The following LRCH1 variants were observed in gnomAD, a reference collection of about 807,000 sequenced individuals.
LRCH1 encodes the protein leucine rich repeats and calponin homology domain containing 1, also known as leucine-rich repeat and calponin homology domain-containing protein 1.
LRCH1 carries 23 observed loss-of-function variants against 94.9 expected under a neutral mutation model. That is an observed-to-expected ratio of 0.24 (90% CI 0.17 to 0.34). LRCH1 has a LOEUF of 0.34. LRCH1 is among the 10% of genes least tolerant of loss of function. LRCH1 has a pLI of 1.00. For synonymous variants in LRCH1, 364 were observed against 354.9 expected (o/e 1.03, Z -0.29); for missense variants, 790 against 945.9 (o/e 0.84, Z 2.16).
chr13:46,727,028 C>T (rs1872855278), intron 17 of LRCH1, among the ~76,000 whole-genome samples: 1 of 152,100 alleles, frequency 6.6e-6, no homozygotes, highest in Non-Finnish European at 1.5e-5. Flanking sequence ...CTGCAGATGA[C>T]ATCACTGATA....
chr13:46,632,402 C>T (rs554244202), intron 1 of LRCH1, among the ~76,000 whole-genome samples: 3 of 152,222 alleles, frequency 2.0e-5, no homozygotes, highest in East Asian at 1.9e-4. Flanking sequence ...CAGTAATTGC[C>T]GGTTGAATCA....
chr13:46,727,378 C>T (rs928014758), intron 17 of LRCH1, among the ~76,000 whole-genome samples: 79 of 152,308 alleles, frequency 5.2e-4, no homozygotes, highest in African/African-American at 1.9e-3. Context: ...GGACACAGAG[C>T]CTCGGGACCT....
At chr13:46,653,980 C>A (rs1449623946) in intron 2 of LRCH1, among the ~76,000 whole-genome samples, 1 of 152,086 alleles carries the variant, frequency 6.6e-6, no homozygotes, top group Non-Finnish European at 1.5e-5. Context: ...AGGAATTGGA[C>A]CCTTGAAATT....
At chr13:46,730,405 GC>G (rs1340936665) in intron 18 of LRCH1, among the ~76,000 whole-genome samples, 1 of 152,082 alleles carries the variant, frequency 6.6e-6, no homozygotes, top group African/African-American at 2.4e-5. Context: ...AAATCTCAGA[GC>G]CCAGTGTGTT....
chr13:46,562,349 G>C (rs1264205203), intron 1 of LRCH1, among the ~76,000 whole-genome samples: 1 of 152,222 alleles, frequency 6.6e-6, no homozygotes, highest in African/African-American at 2.4e-5. Context: ...GGAAGTCCAA[G>C]ATCAAGGTGT....
At chr13:46,705,665 A>C (rs1346631123) in intron 13 of LRCH1, 1 of 391,996 alleles carries the variant, frequency 2.6e-6, no homozygotes, top group African/African-American at 2.1e-5. Context: ...AGCCAAGAAA[A>C]GGTCTGGGAA....
At chr13:46,668,520 A>T (rs2051551394) in intron 2 of LRCH1, among the ~76,000 whole-genome samples, 1 of 152,178 alleles carries the variant, frequency 6.6e-6, no homozygotes, top group Non-Finnish European at 1.5e-5. Flanking sequence ...TGGTTTTGTG[A>T]GTTGCAGCAA....
At chr13:46,649,299 T>C (rs547514377) in intron 1 of LRCH1, among the ~76,000 whole-genome samples, 45 of 152,356 alleles carry the variant, frequency 3.0e-4, no homozygotes, top group African/African-American at 9.9e-4. Context: ...AGGTTATCTC[T>C]TATTGTTGAG....
intron 1 of LRCH1, among the ~76,000 whole-genome samples, chr13:46,602,504 C>T (rs76223209): frequency 6.6e-6 from 1 of 151,960 alleles, no homozygotes; most frequent in African/African-American, 2.4e-5. Flanking sequence ...CAGATTTAGC[C>T]TAACTATGAA....
chr13:46,618,342 G>C (rs1376534589), intron 1 of LRCH1, among the ~76,000 whole-genome samples: 1 of 152,150 alleles, frequency 6.6e-6, no homozygotes, highest in East Asian at 1.9e-4. Context: ...AAGTGAAAAT[G>C]GTACACCTTT....
At chr13:46,624,562 G>A (rs1189435962) in intron 1 of LRCH1, among the ~76,000 whole-genome samples, 1 of 152,186 alleles carries the variant, frequency 6.6e-6, no homozygotes, top group Non-Finnish European at 1.5e-5. Context: ...AGCTTGCTGA[G>A]AATTTTAGGG....
chr13:46,608,793 T>G lies in LRCH1; in HGVS notation c.308-41408T>G, dbSNP rs541962307. Among the ~76,000 whole-genome samples, 3 of 152,348 alleles carry G rather than the reference T, an allele frequency of 2.0e-5. No individual in the cohort carries two copies. The South Asian group carries it at 6.2e-4, about 32-fold the overall frequency. ...AATGTAGTGGGTTTCTAAAAATAGA[T>G]TTCTTTTTCATGTAATTGACAATTA... On this transcript the variant is annotated intron_variant, in intron 1 of 19. Coordinates refer to ENST00000389797, the MANE Select transcript of LRCH1 (RefSeq NM_001164211.2).
intron 2 of LRCH1, among the ~76,000 whole-genome samples, chr13:46,660,781 C>T (rs976998941): frequency 6.6e-6 from 1 of 152,184 alleles, no homozygotes; most frequent in Non-Finnish European, 1.5e-5. Context: ...CCTTATGCCT[C>T]TTGTGTCTCA....
chr13:46,647,963 G>A (rs1414844726), intron 1 of LRCH1, among the ~76,000 whole-genome samples: 10 of 152,094 alleles, frequency 6.6e-5, no homozygotes, highest in South Asian at 2.1e-4. Flanking sequence ...TCCCCAGACC[G>A]GGGTGGGGGA....
chr13:46,694,129 T>C (rs1323800165), intron 8 of LRCH1, among the ~76,000 whole-genome samples: 3 of 152,236 alleles, frequency 2.0e-5, no homozygotes, highest in African/African-American at 7.2e-5. Context: ...AGGTAGTATT[T>C]TAGGCAAATT....
rs1555269134 is a variant in LRCH1, at chr13:46,573,845, A to AATATATATATATATATATATATATATAT, written c.307+20164_307+20165insATATATATATATATATATATATATATAT. 5.3e-4 allele frequency among the ~76,000 whole-genome samples: 41 copies of AATATATATATATATATATATATATATAT among 77,946 alleles called. 1 individual carries two copies. Among genetic ancestry groups the AATATATATATATATATATATATATATAT allele is most frequent in the East Asian group, 1.0e-3 (2 of 1,916 alleles). The allele number at this position is 77,946 out of a possible 152,430, so 51.1% of individuals were successfully genotyped here. Reference sequence around the variant, plus strand: ...TAGCACAACAGGGTGACTATAGTCAAATATATATATATATATATATATTTT... The same window carrying AATATATATATATATATATATATATATAT: ...TAGCACAACAGGGTGACTATAGTCAAATATATATATATATATATATATATATATATATATATATATATATATATATTTT... On this transcript the variant is annotated intron_variant, in intron 1 of 19. Transcript: ENST00000389797.
At chr13:46,613,029 G>C (rs781553544) in intron 1 of LRCH1, among the ~76,000 whole-genome samples, 3 of 152,188 alleles carry the variant, frequency 2.0e-5, no homozygotes, top group African/African-American at 7.2e-5. Context: ...GCAGAAACCT[G>C]TAATTTGTAC....
At chr13:46,675,507 T>C (rs1248509178) in intron 3 of LRCH1, among the ~76,000 whole-genome samples, 1 of 152,236 alleles carries the variant, frequency 6.6e-6, no homozygotes, top group Non-Finnish European at 1.5e-5. Flanking sequence ...AACGACTTGT[T>C]GGAAGGTGCA....
intron 2 of LRCH1, among the ~76,000 whole-genome samples, chr13:46,659,503 A>G (rs1437750656): frequency 6.6e-6 from 1 of 152,144 alleles, no homozygotes; most frequent in Non-Finnish European, 1.5e-5. Flanking sequence ...CAAATACTTC[A>G]GATTTATATC....
Sources: allele counts gnomAD v4.1 joint callset (sites outside exome capture counted in the v4.1 genomes callset), GRCh38; gene constraint gnomAD v4.1.1; transcripts MANE v1.5; gene names NCBI Gene and HGNC (gene_info 2026-07-23, HGNC 2026-07-21).